The following ADGRL2 variants were observed in gnomAD, a reference collection of about 807,000 sequenced individuals.
The protein encoded by ADGRL2 is adhesion G protein-coupled receptor L2.
ADGRL2 carries 44 observed loss-of-function variants against 157.4 expected under a neutral mutation model. The observed-to-expected ratio is 0.28, with a 90% confidence interval of 0.22 to 0.36. The LOEUF (loss-of-function observed/expected upper bound fraction) is 0.36, where lower values mean the gene tolerates loss of function less well. Ranked by LOEUF, ADGRL2 falls within the 10% of genes least tolerant of loss-of-function variation. The pLI is 1.00. For synonymous variants in ADGRL2, 585 were observed against 624.7 expected (o/e 0.94, Z 0.95); for missense variants, 1,510 against 1,768.9 (o/e 0.85, Z 2.63).
chr1:81,502,495 A>C (rs2078875447), intron 2 of ADGRL2: 8 of 1,614,026 alleles, frequency 5.0e-6, no homozygotes, highest in Non-Finnish European at 6.8e-6. Context: ...CCATCAACCG[A>C]ATCCCCATCA....
chr1:81,686,085 G>A (rs533197318), intron 3 of ADGRL2, among the ~76,000 whole-genome samples: 1 of 152,270 alleles, frequency 6.6e-6, no homozygotes, highest in Non-Finnish European at 1.5e-5. Context: ...AAGGATATTG[G>A]TCTGTAGTTT....
Position 81,821,958 on chromosome 1 carries a change from G to T in ADGRL2, c.-100-14927G>T, listed in dbSNP as rs117694876. ...AAAGTAGCCATGTTTTTTTCAGTAGGCTCTGTAAATCATTAATACTAAAAA... is the reference window on the plus strand; with the variant it reads ...AAAGTAGCCATGTTTTTTTCAGTAGTCTCTGTAAATCATTAATACTAAAAA... On this transcript the variant is annotated intron_variant, in intron 1 of 23. Coordinates refer to ENST00000686636, the MANE Select transcript of ADGRL2 (RefSeq NM_001366006.2). 2.4e-4 allele frequency among the ~76,000 whole-genome samples: 36 copies of T among 151,060 alleles called. 1 individual carries two copies. The East Asian group carries it at 6.7e-3, about 28-fold the overall frequency.
Position 81,892,833 on chromosome 1 carries a change from T to A in ADGRL2, c.74-14184T>A, listed in dbSNP as rs529119058. Among the ~76,000 whole-genome samples the A allele has an allele frequency of 3.3e-5, 5 of 152,310 alleles. No individual in the cohort carries two copies. In the South Asian group the frequency reaches 1.0e-3, roughly 32 times the overall value. On this transcript the variant is annotated intron_variant, in intron 2 of 23. Coordinates refer to ENST00000686636, the MANE Select transcript of ADGRL2 (RefSeq NM_001366006.2). ...TTGTTTGAACATTAAAAAATGTAAA[T>A]GGACCATGGGAACACTAGTAGTCCA...
intron 2 of ADGRL2, among the ~76,000 whole-genome samples, chr1:81,537,342 G>C (rs965999620): frequency 2.0e-5 from 3 of 152,130 alleles, no homozygotes; most frequent in African/African-American, 7.2e-5. Context: ...GGAGTGCAAT[G>C]GAGTGATCTT....
Position 81,990,477 on chromosome 1 carries a change from A to G in ADGRL2, c.3742A>G (p.Lys1248Glu), listed in dbSNP as rs1664380895. The part of the protein sequence containing the change: ...GNFNNSYSLH[K>E]GDYNDSVQVV... ...TTTTAACAACAGCTACTCGCTGCAC[A>G]AGGGTGACTATAATGACAGCGTGCA... The change falls in exon 24 of 24, where the codon AAG becomes GAG. Residue 1248 changes from lysine (K) to glutamate (E), a missense_variant. Lys to Glu is a moderately conservative substitution (Grantham distance 56). This residue lies in a region of ADGRL2 where 327 missense variants were observed against 310.1 expected (regional missense o/e 1.05). Transcript: ENST00000686636. 6.2e-7 allele frequency: 1 copy of G among 1,613,986 alleles called. No individual in the cohort carries two copies. Among genetic ancestry groups the G allele is most frequent in the South Asian group, 1.1e-5 (1 of 91,088 alleles).
At chr1:81,753,369 C>T (rs190664094) in intron 1 of ADGRL2, among the ~76,000 whole-genome samples, 88 of 152,210 alleles carry the variant, frequency 5.8e-4, no homozygotes, top group Middle Eastern at 3.4e-3. Context: ...GAGAATAGCA[C>T]GGGAAATACC....
At position 81,319,407 on chromosome 1, in the gene ADGRL2, G is replaced by A. The variant is rs149005045; in HGVS notation, c.-302+12898G>A. ...AGCAACATAATCTTAAATACAAACC[G>A]AGATTTTTTTTCAACAGGGTGCATC... On this transcript the variant is annotated intron_variant, in intron 1 of 24. Transcript: ENST00000370721. Among the ~76,000 whole-genome samples, 98 of 152,090 alleles carry A rather than the reference G, an allele frequency of 6.4e-4. 3 individuals carry two copies. The East Asian group carries it at 0.014, about 22-fold the overall frequency.
chr1:81,637,683 C>T (rs913876023), intron 3 of ADGRL2, among the ~76,000 whole-genome samples: 8 of 151,894 alleles, frequency 5.3e-5, no homozygotes, highest in East Asian at 1.9e-4. Flanking sequence ...TAGACAATTG[C>T]GTGGAATTTT....
At chr1:81,502,327 C>G in intron 2 of ADGRL2, 1 of 1,614,056 alleles carries the variant, frequency 6.2e-7, no homozygotes, top group Non-Finnish European at 8.5e-7. Context: ...ATGAGCAGCT[C>G]AAGCAGAATG....
At chr1:81,479,619 C>T (rs536621545) in intron 2 of ADGRL2, among the ~76,000 whole-genome samples, 17 of 152,258 alleles carry the variant, frequency 1.1e-4, no homozygotes, top group East Asian at 7.7e-4. Flanking sequence ...AGCAACCTTA[C>T]GAGAGACAGG....
intron 3 of ADGRL2, among the ~76,000 whole-genome samples, chr1:81,918,143 GT>G (rs2094901000): frequency 1.3e-5 from 2 of 152,084 alleles, no homozygotes; most frequent in Admixed American, 6.6e-5. Flanking sequence ...TTTTTACGTG[GT>G]TTGTAGACAC....
intron 1 of ADGRL2, among the ~76,000 whole-genome samples, chr1:81,345,734 G>T (rs1304945968): frequency 6.6e-6 from 1 of 151,962 alleles, no homozygotes; most frequent in Non-Finnish European, 1.5e-5. Context: ...AAAGAGAAAG[G>T]CAAGAAAGAA....
chr1:81,337,267 G>A (rs1304130855), intron 1 of ADGRL2, among the ~76,000 whole-genome samples: 5 of 152,272 alleles, frequency 3.3e-5, no homozygotes, highest in Admixed American at 6.5e-5. Context: ...GCTGTTAAAC[G>A]CGTAAGACAT....
At position 81,886,826 on chromosome 1, in the gene ADGRL2, C is replaced by T. The variant is rs544767136; in HGVS notation, c.74-20191C>T. Among the ~76,000 whole-genome samples the T allele has an allele frequency of 4.6e-5, 7 of 152,162 alleles. No homozygotes were observed. In the East Asian group the frequency reaches 5.8e-4, roughly 13 times the overall value. On this transcript the variant is annotated intron_variant, in intron 2 of 23. Coordinates refer to ENST00000686636, the MANE Select transcript of ADGRL2 (RefSeq NM_001366006.2). The stretch of plus-strand genomic sequence containing the variant: ...AAATTAAAATAGTGTCTGCTTAGCT[C>T]GTTTACATTCTTTCTGTCAGAATGT...
chr1:81,536,920 C>T (rs1480241788), intron 2 of ADGRL2, among the ~76,000 whole-genome samples: 1 of 152,164 alleles, frequency 6.6e-6, no homozygotes, highest in Non-Finnish European at 1.5e-5. Context: ...TAAATCACAA[C>T]ATACTTATGT....
chr1:81,911,667 T>C (rs2094724471), intron 3 of ADGRL2, among the ~76,000 whole-genome samples: 1 of 152,224 alleles, frequency 6.6e-6, no homozygotes, highest in Admixed American at 6.5e-5. Flanking sequence ...AAATATTTAC[T>C]GGTTTATTTT....
At chr1:81,668,771 T>C (rs2082807133) in intron 3 of ADGRL2, among the ~76,000 whole-genome samples, 1 of 151,806 alleles carries the variant, frequency 6.6e-6, no homozygotes, top group African/African-American at 2.4e-5. Flanking sequence ...GGTTTCACCA[T>C]GTTGGCCAGG....
At chr1:81,863,141 T>A (rs1045413077) in intron 2 of ADGRL2, among the ~76,000 whole-genome samples, 20 of 152,208 alleles carry the variant, frequency 1.3e-4, no homozygotes, top group African/African-American at 4.8e-4. Context: ...CGGTGCTAGC[T>A]GGTGTCAGAC....
At chr1:81,704,112 T>A (rs2083658337) in intron 1 of ADGRL2, among the ~76,000 whole-genome samples, 1 of 152,370 alleles carries the variant, frequency 6.6e-6, no homozygotes, top group East Asian at 1.9e-4. Context: ...TTCATCATCA[T>A]ACTTCCCCTC....
Sources: allele counts gnomAD v4.1 joint callset (sites outside exome capture counted in the v4.1 genomes callset), GRCh38; gene constraint gnomAD v4.1.1; regional missense constraint gnomAD v4.1.1; transcripts MANE v1.5; gene names NCBI Gene and HGNC (gene_info 2026-07-23, HGNC 2026-07-21).